Variants in ELFN1 observed in about 807,000 individuals in gnomAD.
ELFN1 encodes extracellular leucine rich repeat and fibronectin type III domain containing 1, also known as protein ELFN1.
Under a neutral mutation model 7.6 loss-of-function variants are expected in ELFN1, and 6 were observed. The ratio of observed to expected loss-of-function variants is 0.79; its 90% CI spans 0.43 to 1.56. The LOEUF is 1.56. Among genes scored for constraint, ELFN1 ranks in the 40% most tolerant of loss-of-function variants. ELFN1 has a pLI of 0.01. For missense variants in ELFN1, 1,169 were observed against 1,232.2 expected, an observed-to-expected ratio of 0.95 and a Z score of 0.77; for synonymous variants, 657 against 588.1, an observed-to-expected ratio of 1.12 and a Z score of -1.70.
chr7:1,711,602 G>GC (rs1408360542), intron 3 of ELFN1, among the ~76,000 whole-genome samples: 2 of 151,050 alleles, frequency 1.3e-5, no homozygotes, highest in African/African-American at 4.9e-5. Context: ...GAGAGAGAGA[G>GC]AGAGAGAGAG....
intron 3 of ELFN1, among the ~76,000 whole-genome samples, chr7:1,730,726 G>A (rs915863759): frequency 7.9e-5 from 12 of 152,146 alleles, no homozygotes; most frequent in Non-Finnish European, 1.5e-4. Flanking sequence ...ATCATTCTAG[G>A]TGATGAGATT....
intron 2 of ELFN1, among the ~76,000 whole-genome samples, chr7:1,707,461 C>G (rs749566412): frequency 2.0e-5 from 3 of 152,236 alleles, no homozygotes; most frequent in Non-Finnish European, 2.9e-5. Context: ...AGCATCTGCC[C>G]TCCCAGCGCG....
upstream of ELFN1, among the ~76,000 whole-genome samples, chr7:1,669,388 G>T (rs1340625344): frequency 6.6e-6 from 1 of 152,026 alleles, no homozygotes; most frequent in African/African-American, 2.4e-5. Flanking sequence ...GCGGGGACTG[G>T]AGAGGGTCCC....
At chr7:1,677,375 T>C (rs924749598) in intron 1 of ELFN1, among the ~76,000 whole-genome samples, 2 of 152,198 alleles carry the variant, frequency 1.3e-5, no homozygotes, top group African/African-American at 4.8e-5. Flanking sequence ...CCCGGCTTCC[T>C]CCAGGAGACG....
chr7:1,722,163 C>T (rs529935244), intron 3 of ELFN1, among the ~76,000 whole-genome samples: 1 of 152,190 alleles, frequency 6.6e-6, no homozygotes, highest in African/African-American at 2.4e-5. Flanking sequence ...GGTGCTTGGC[C>T]CTACCTAGAC....
In ELFN1 at chr7:1,672,779, C is replaced by T. The variant is rs117163610; in HGVS notation, c.-549+2425C>T. On this transcript the variant is annotated intron_variant, in intron 1 of 3. Transcript: ENST00000424383. Reference sequence around the variant, plus strand: ...ATTTTGGTAGGGGACTGTGTTTCTCCGTGCCAGACTCAGACACCATCGCAT... The same window carrying T: ...ATTTTGGTAGGGGACTGTGTTTCTCTGTGCCAGACTCAGACACCATCGCAT... Among the ~76,000 whole-genome samples, 177 of 152,198 alleles carry T rather than the reference C, an allele frequency of 1.2e-3. 1 individual carries two copies. Among genetic ancestry groups the T allele is most frequent in the East Asian group, 7.7e-3 (40 of 5,162 alleles).
At chr7:1,712,620 C>T (rs879929405) in intron 3 of ELFN1, among the ~76,000 whole-genome samples, 6 of 151,704 alleles carry the variant, frequency 4.0e-5, no homozygotes, top group African/African-American at 9.7e-5. Context: ...TCAGTAGAGA[C>T]GGGGTTTCGC....
intron 3 of ELFN1, among the ~76,000 whole-genome samples, chr7:1,721,666 C>T (rs1780026045): frequency 6.6e-6 from 1 of 152,234 alleles, no homozygotes; most frequent in African/African-American, 2.4e-5. Flanking sequence ...GGTGTTTCCT[C>T]AGTGCCCAGA....
intron 1 of ELFN1, among the ~76,000 whole-genome samples, chr7:1,686,452 A>G (rs139330084): frequency 8.0e-4 from 121 of 151,754 alleles, no homozygotes; most frequent in Admixed American, 2.9e-3. Context: ...AGCAGGGACT[A>G]CAGGTACATG....
chr7:1,733,220 C>G (rs1780360426), intron 3 of ELFN1, among the ~76,000 whole-genome samples: 12 of 152,186 alleles, frequency 7.9e-5, no homozygotes, highest in Admixed American at 7.9e-4. Context: ...ATTTTCACAG[C>G]TCAGCCAGAT....
intron 1 of ELFN1, among the ~76,000 whole-genome samples, chr7:1,674,667 C>A (rs1017652584): frequency 3.9e-5 from 6 of 152,136 alleles, no homozygotes; most frequent in African/African-American, 1.4e-4. Context: ...CTAATGTCTT[C>A]CTCTGCCAGT....
Position 1,745,395 on chromosome 7 carries a change from T to G in ELFN1, c.799T>G (p.Ser267Ala). The stretch of plus-strand genomic sequence containing the variant: ...GGTGGTCGGGCCCCCACGTCCAGCA[T>G]CCGGGCGCTCACAGCCGGGCCGCTC... Reference protein sequence around the residue: ...AEVVGPPRPASGRSQPGRSPP... With the variant: ...AEVVGPPRPAAGRSQPGRSPP... The change falls in exon 4 of 4, where the codon TCC (serine) becomes GCC (alanine). Residue 267 changes from serine to alanine, a missense_variant. Transcript: ENST00000424383. The G allele has an allele frequency of 6.5e-7, 1 of 1,539,012 alleles. No individual in the cohort carries two copies. The highest frequency in any genetic ancestry group is 8.7e-7 in the Non-Finnish European group (1 of 1,145,912).
At chr7:1,686,309 T>G (rs901022167) in intron 1 of ELFN1, among the ~76,000 whole-genome samples, 5 of 139,604 alleles carry the variant, frequency 3.6e-5, no homozygotes, top group Non-Finnish European at 7.6e-5. Flanking sequence ...TAGTTTGTCC[T>G]TGTTTTTTTT....
At chr7:1,715,615 G>C (rs1054513991) in intron 3 of ELFN1, among the ~76,000 whole-genome samples, 1 of 152,190 alleles carries the variant, frequency 6.6e-6, no homozygotes, top group Non-Finnish European at 1.5e-5. Context: ...AGGCTGCAGG[G>C]ATCCAGCTTC....
intron 3 of ELFN1, among the ~76,000 whole-genome samples, chr7:1,709,848 C>T (rs1322009992): frequency 6.6e-6 from 1 of 152,220 alleles, no homozygotes; most frequent in African/African-American, 2.4e-5. Flanking sequence ...TTCTGAGTTT[C>T]ATTCTGCATT....
rs1024169019 is a variant in ELFN1, at chr7:1,744,535, C to T, written c.-62C>T. 1.4e-6 allele frequency: 2 copies of T among 1,432,350 alleles called. No homozygotes were observed. Among genetic ancestry groups the T allele is most frequent in the Non-Finnish European group, 1.8e-6 (2 of 1,098,128 alleles). 88.7% of individuals were successfully genotyped at this position (1,432,350 alleles called of 1,614,324 possible). A position where few individuals can be genotyped will look rare whatever the true frequency, so the allele number is the denominator to read the frequency against. On this transcript the variant is annotated 5_prime_UTR_variant, in exon 4 of 4. Transcript: ENST00000424383. ...CCCTCCATCCCTCTGGGGGCTGGCG[C>T]CTGGCCCCCCACCTGGTCCCCCTGG...
chr7:1,725,855 AAC>A (rs1203646536), intron 3 of ELFN1, among the ~76,000 whole-genome samples: 1 of 152,050 alleles, frequency 6.6e-6, no homozygotes, highest in Non-Finnish European at 1.5e-5. Flanking sequence ...CACTCAAAAT[AAC>A]ACACAGTACA....
rs968036923 is a variant in ELFN1 at position 1,695,773 on chromosome 7, C to A, written c.-456+7623C>A. On this transcript the variant is annotated intron_variant, in intron 2 of 3. Coordinates refer to ENST00000424383, the MANE Select transcript of ELFN1 (RefSeq NM_001128636.4). This position sits in a 1 kb window ranked among gnomAD's most constrained non-coding sequence, Gnocchi z 5.1. ...AAAAAAAAAAAAAAAAAAAAAAAAA[C>A]CGTGCTGGTTTGGTTTCACTGACTC... Among the ~76,000 whole-genome samples the A allele has an allele frequency of 5.2e-5, 6 of 116,106 alleles. No individual in the cohort carries two copies. Among genetic ancestry groups the A allele is most frequent in the African/African-American group, 1.6e-4 (5 of 30,422 alleles). 76.2% of individuals were successfully genotyped at this position (116,106 alleles called of 152,430 possible). A position where few individuals can be genotyped will look rare whatever the true frequency, so the allele number is the denominator to read the frequency against.
chr7:1,697,867 C>G (rs1006874869), intron 2 of ELFN1, among the ~76,000 whole-genome samples: 2 of 152,190 alleles, frequency 1.3e-5, no homozygotes, highest in Non-Finnish European at 2.9e-5. Context: ...TCACGGCAGC[C>G]TTGAACTCCT....
Sources: gnomAD v4.1 joint callset for allele counts (sites outside exome capture counted in the v4.1 genomes callset) on GRCh38, gnomAD v4.1.1 for gene constraint, Gnocchi (gnomAD v3.1) non-coding constraint, MANE v1.5 for transcripts, NCBI Gene and HGNC (gene_info 2026-07-23, HGNC 2026-07-21) for gene names.